The following HS6ST3 variants were observed in gnomAD, a reference collection of about 807,000 sequenced individuals.
The protein encoded by HS6ST3 is heparan sulfate 6-O-sulfotransferase 3.
A neutral mutation model predicts 36.7 loss-of-function variants in HS6ST3; 12 were observed. The observed-to-expected ratio is 0.33, with a 90% CI of 0.21 to 0.53. HS6ST3 has a LOEUF of 0.53. Ranked by LOEUF, HS6ST3 falls within the 20% of genes least tolerant of loss-of-function variation. The probability of loss-of-function intolerance (pLI) is 0.95; values close to 1 mark genes in which losing one functional copy is unlikely to be tolerated. For missense variants in HS6ST3, 584 were observed against 640.9 expected (o/e 0.91, Z 0.96); for synonymous variants, 240 against 257.5 (o/e 0.93, Z 0.65).
chr13:96,601,227 A>G (rs1267878876), intron 1 of HS6ST3, among the ~76,000 whole-genome samples: 1 of 152,164 alleles, frequency 6.6e-6, no homozygotes, highest in Non-Finnish European at 1.5e-5. Flanking sequence ...CAAGCCCAAG[A>G]AAGTTTTCCT....
chr13:96,605,670 GC>G, intron 1 of HS6ST3, among the ~76,000 whole-genome samples: 1 of 151,852 alleles, frequency 6.6e-6, no homozygotes, highest in East Asian at 1.9e-4. Context: ...TAAAGACCAA[GC>G]AAAAAAGCAA....
At chr13:96,794,225 A>C (rs1053455295) in intron 1 of HS6ST3, among the ~76,000 whole-genome samples, 43 of 152,066 alleles carry the variant, frequency 2.8e-4, no homozygotes, top group Admixed American at 2.8e-3. Context: ...TTCATTTTTC[A>C]ATCCCTGATC....
chr13:96,193,464 A>G (rs1220286551), intron 1 of HS6ST3, among the ~76,000 whole-genome samples: 1 of 152,170 alleles, frequency 6.6e-6, no homozygotes, highest in African/African-American at 2.4e-5. Flanking sequence ...GAACTTTGGT[A>G]TAAGCTCTCT....
At chr13:96,324,227 A>C (rs2055019053) in intron 1 of HS6ST3, among the ~76,000 whole-genome samples, 1 of 152,074 alleles carries the variant, frequency 6.6e-6, no homozygotes, top group African/African-American at 2.4e-5. Flanking sequence ...GTGGCTAACC[A>C]CTCCACCAAC....
chr13:96,798,513 G>A (rs1250149606), intron 1 of HS6ST3, among the ~76,000 whole-genome samples: 1 of 152,058 alleles, frequency 6.6e-6, no homozygotes, highest in Non-Finnish European at 1.5e-5. Flanking sequence ...TGTGCGCTAG[G>A]AGACTGGGAT....
At chr13:96,359,604 G>A (rs1326019638) in intron 1 of HS6ST3, among the ~76,000 whole-genome samples, 3 of 152,086 alleles carry the variant, frequency 2.0e-5, no homozygotes, top group Admixed American at 6.6e-5. Context: ...AACAAGATTT[G>A]TATTACTGAA....
At chr13:96,354,587 G>C (rs896712488) in intron 1 of HS6ST3, among the ~76,000 whole-genome samples, 1 of 151,884 alleles carries the variant, frequency 6.6e-6, no homozygotes, top group Non-Finnish European at 1.5e-5. Flanking sequence ...ATTTATGTCT[G>C]GCCCCATGAA....
intron 1 of HS6ST3, among the ~76,000 whole-genome samples, chr13:96,816,333 C>G (rs539173404): frequency 6.6e-6 from 1 of 152,130 alleles, no homozygotes; most frequent in Non-Finnish European, 1.5e-5. Flanking sequence ...CTTGAGGGTA[C>G]CAGTGACTCT....
chr13:96,799,521 T>G (rs1339452335), intron 1 of HS6ST3, among the ~76,000 whole-genome samples: 2 of 151,392 alleles, frequency 1.3e-5, no homozygotes, highest in African/African-American at 2.4e-5. Flanking sequence ...CTCAGTAAAC[T>G]ATCGCAAGAA....
intron 1 of HS6ST3, among the ~76,000 whole-genome samples, chr13:96,486,860 A>G (rs1458488294): frequency 3.3e-5 from 5 of 152,176 alleles, no homozygotes; most frequent in African/African-American, 1.2e-4. Flanking sequence ...CAGTAAACTA[A>G]GATGACTAGC....
At chr13:96,405,288 G>A (rs2055471889) in intron 1 of HS6ST3, among the ~76,000 whole-genome samples, 3 of 152,102 alleles carry the variant, frequency 2.0e-5, no homozygotes, top group African/African-American at 7.2e-5. Flanking sequence ...TGAGAACTTA[G>A]TTCATATAGA....
intron 1 of HS6ST3, among the ~76,000 whole-genome samples, chr13:96,382,071 G>A (rs367719868): frequency 1.4e-4 from 21 of 152,184 alleles, no homozygotes; most frequent in African/African-American, 5.1e-4. Context: ...TAATTTTGTG[G>A]GCTGACAGGG....
At chr13:96,563,211 C>T (rs2056269032) in intron 1 of HS6ST3, among the ~76,000 whole-genome samples, 1 of 152,106 alleles carries the variant, frequency 6.6e-6, no homozygotes, top group Non-Finnish European at 1.5e-5. Context: ...GTGGCTTAGG[C>T]AAGGCTGGAT....
intron 1 of HS6ST3, among the ~76,000 whole-genome samples, chr13:96,526,153 A>G (rs1005349572): frequency 1.3e-5 from 2 of 152,194 alleles, no homozygotes; most frequent in African/African-American, 4.8e-5. Flanking sequence ...CAGCTTGTTC[A>G]GTATGTTAAA....
At chr13:96,249,000 C>T (rs1189129703) in intron 1 of HS6ST3, among the ~76,000 whole-genome samples, 1 of 152,168 alleles carries the variant, frequency 6.6e-6, no homozygotes, top group East Asian at 1.9e-4. Flanking sequence ...ACAGTTCTCT[C>T]CATTGCTGGT....
intron 1 of HS6ST3, among the ~76,000 whole-genome samples, chr13:96,754,502 A>G (rs1876776566): frequency 6.6e-6 from 1 of 152,228 alleles, no homozygotes; most frequent in South Asian, 2.1e-4. Flanking sequence ...TTGAGTACCA[A>G]GGGTATAACT....
At chr13:96,286,355 C>T (rs1003749348) in intron 1 of HS6ST3, among the ~76,000 whole-genome samples, 11 of 152,148 alleles carry the variant, frequency 7.2e-5, no homozygotes, top group African/African-American at 2.7e-4. Flanking sequence ...TATAGACCTA[C>T]ATGCAGTCTT....
At chr13:96,557,493 A>G (rs555867955) in intron 1 of HS6ST3, among the ~76,000 whole-genome samples, 12 of 152,330 alleles carry the variant, frequency 7.9e-5, no homozygotes, top group African/African-American at 2.2e-4. Context: ...TGATCTTTCA[A>G]TGAAAGGACA....
At chr13:96,721,610 T>A (rs1180842918) in intron 1 of HS6ST3, among the ~76,000 whole-genome samples, 1 of 152,198 alleles carries the variant, frequency 6.6e-6, no homozygotes, top group Non-Finnish European at 1.5e-5. Flanking sequence ...AATGCTTTCA[T>A]AGATATTACC....
Sources: allele counts gnomAD v4.1 joint callset (sites outside exome capture counted in the v4.1 genomes callset), GRCh38; gene constraint gnomAD v4.1.1; transcripts MANE v1.5; gene names NCBI Gene and HGNC (gene_info 2026-07-23, HGNC 2026-07-21).